Variants in BEST3 observed in about 807,000 individuals in gnomAD.
The protein encoded by BEST3 is bestrophin 3, also known as bestrophin-3.
Under a neutral mutation model 47.1 loss-of-function variants are expected in BEST3, and 50 were observed. That is an observed-to-expected ratio of 1.06 (90% CI 0.85 to 1.34). BEST3 has a LOEUF of 1.34. Among genes scored for constraint, BEST3 ranks in the 40% most tolerant of loss-of-function variants. The pLI is 0.00. For synonymous variants in BEST3, 282 were observed against 298.8 expected (o/e 0.94, Z 0.58); for missense variants, 765 against 817.0 (o/e 0.94, Z 0.78).
At chr12:69,670,409 G>A (rs757651476) in intron 9 of BEST3, 9 of 701,354 alleles carry the variant, frequency 1.3e-5, no homozygotes, top group African/African-American at 3.5e-5. Context: ...CTCCTAAATC[G>A]TTCTCATTAT....
chr12:69,644,089 G>T (rs553247322), intron 9 of BEST3, among the ~76,000 whole-genome samples: 4 of 152,160 alleles, frequency 2.6e-5, no homozygotes, highest in Admixed American at 6.5e-5. Flanking sequence ...GTGAAGCAAG[G>T]GAGCAGGAGG....
At chr12:69,644,586 T>A (rs934659184) in intron 9 of BEST3, among the ~76,000 whole-genome samples, 4 of 152,168 alleles carry the variant, frequency 2.6e-5, no homozygotes, top group African/African-American at 9.7e-5. Context: ...GACATAAGGT[T>A]TTTTTATTTA....
intron 3 of BEST3, 148 bp from the exon 4 acceptor site, chr12:69,694,055 A>C: frequency 1.5e-6 from 1 of 668,880 alleles, no homozygotes; most frequent in Non-Finnish European, 2.5e-6. Context: ...TTCCAGAAAA[A>C]AAATGTCATT....
intron 9 of BEST3, among the ~76,000 whole-genome samples, chr12:69,664,238 A>C (rs573952177): frequency 2.6e-5 from 4 of 152,360 alleles, no homozygotes; most frequent in African/African-American, 7.2e-5. Context: ...ATTTTAAAAC[A>C]GTAGCTCTTT....
downstream of BEST3, among the ~76,000 whole-genome samples, chr12:69,648,854 C>T (rs529181409): frequency 2.1e-4 from 32 of 152,290 alleles, 1 homozygote; most frequent in Middle Eastern, 3.4e-3. Context: ...AAAGTCCTTT[C>T]TACATAAAGT....
rs372180657 is a variant in BEST3, at chr12:69,655,754, T to C, written c.1160A>G (p.His387Arg). ...EWLWDYEKHG[H>R]RHSMIRRVKR... is the part of the protein sequence containing the mutation. Reference sequence around the variant, plus strand: ...GACTCTTCTTATCATGGAATGCCGATGGCCATGCTTCTCATAATCCCACAG... The same window carrying C: ...GACTCTTCTTATCATGGAATGCCGACGGCCATGCTTCTCATAATCCCACAG... Residue 387 changes from histidine to arginine, a missense_variant, in exon 10 of 10, where the codon CAT becomes CGT. His to Arg is a conservative substitution (Grantham distance 29). Transcript: ENST00000330891. 9.3e-6 allele frequency: 15 copies of C among 1,613,806 alleles called. No homozygotes were observed. The highest frequency in any genetic ancestry group is 2.2e-5 in the East Asian group (1 of 44,864).
chr12:69,684,147 C>A, intron 4 of BEST3: 1 of 160,394 alleles, frequency 6.2e-6, no homozygotes, highest in East Asian at 1.8e-4. Flanking sequence ...CCATCACACC[C>A]CTGGCATAGC....
intron 9 of BEST3, among the ~76,000 whole-genome samples, chr12:69,646,413 A>T (rs781577951): frequency 9.3e-5 from 14 of 150,468 alleles, no homozygotes; most frequent in Admixed American, 6.6e-4. Flanking sequence ...TTATTTATTT[A>T]TTTTTTTCTT....
chr12:69,666,470 C>T (rs1415859934), intron 9 of BEST3, among the ~76,000 whole-genome samples: 2 of 152,334 alleles, frequency 1.3e-5, no homozygotes, highest in Non-Finnish European at 2.9e-5. Flanking sequence ...CATGCAAAAC[C>T]TATGGCATGC....
At chr12:69,651,149 C>A (rs898101560), downstream of BEST3, among the ~76,000 whole-genome samples, 2 of 152,140 alleles carry the variant, frequency 1.3e-5, no homozygotes, top group Admixed American at 1.3e-4. Context: ...TCCTGGCAAA[C>A]AAGTGACTAA....
At chr12:69,689,748 C>T (rs555440427) in intron 4 of BEST3, among the ~76,000 whole-genome samples, 20 of 152,280 alleles carry the variant, frequency 1.3e-4, no homozygotes, top group Non-Finnish European at 1.8e-4. Context: ...AAGTTTAAGT[C>T]AGAACAATGC....
At chr12:69,696,153 G>T (rs1232113404) in intron 2 of BEST3, among the ~76,000 whole-genome samples, 3 of 152,012 alleles carry the variant, frequency 2.0e-5, no homozygotes, top group Non-Finnish European at 4.4e-5. Context: ...GTATACCTTT[G>T]ATTAAGATAG....
At chr12:69,677,463 C>T (rs1451757127) in intron 5 of BEST3, among the ~76,000 whole-genome samples, 1 of 152,164 alleles carries the variant, frequency 6.6e-6, no homozygotes, top group African/African-American at 2.4e-5. Flanking sequence ...TTGACAAGTA[C>T]ATTTGGACAT....
intron 4 of BEST3, among the ~76,000 whole-genome samples, chr12:69,688,172 T>C (rs1272722464): frequency 1.3e-5 from 2 of 152,214 alleles, no homozygotes; most frequent in Non-Finnish European, 2.9e-5. Flanking sequence ...GAGACCATAC[T>C]ATATGCACAC....
intron 9 of BEST3, among the ~76,000 whole-genome samples, chr12:69,646,939 TAAA>T (rs1555201120): frequency 1.3e-5 from 1 of 78,330 alleles, no homozygotes; most frequent in Non-Finnish European, 3.8e-5. Context: ...CCTTGGGGAA[TAAA>T]AAAAAAGATG....
rs540465812 is a variant in BEST3, at chr12:69,673,642, C to T, written c.868-677G>A. Among the ~76,000 whole-genome samples, 6 of 152,112 alleles carry T rather than the reference C, an allele frequency of 3.9e-5. No individual in the cohort carries two copies. The East Asian group carries it at 7.7e-4, about 20-fold the overall frequency. On this transcript the variant is annotated intron_variant, in intron 7 of 9. Coordinates refer to ENST00000330891, the MANE Select transcript of BEST3 (RefSeq NM_032735.3). ...TTTTTTCAGTAGAGATGGGGTTTCA[C>T]CATGTTGGCCAGGCTAGTCTTGAAC...
At chr12:69,660,631 T>A (rs1304361567) in intron 9 of BEST3, 1 of 152,190 alleles carries the variant, frequency 6.6e-6, no homozygotes, top group African/African-American at 2.4e-5. Flanking sequence ...AACCCTGCAA[T>A]ACACACTTAT....
intron 4 of BEST3, chr12:69,684,460 T>A (rs1885438047): frequency 1.9e-6 from 1 of 531,002 alleles, no homozygotes; most frequent in Non-Finnish European, 3.6e-6. Context: ...CTGCCTGCTG[T>A]ACAGTTGCTC....
intron 4 of BEST3, among the ~76,000 whole-genome samples, chr12:69,689,604 A>T (rs1592373911): frequency 6.6e-6 from 1 of 152,324 alleles, no homozygotes; most frequent in African/African-American, 2.4e-5. Context: ...TTAGGAATTA[A>T]TGAGAGCAAC....
Sources: gnomAD v4.1 joint callset for allele counts (sites outside exome capture counted in the v4.1 genomes callset) on GRCh38, gnomAD v4.1.1 for gene constraint, MANE v1.5 for transcripts, NCBI Gene and HGNC (gene_info 2026-07-23, HGNC 2026-07-21) for gene names.